INSR: variants seen among roughly 807,000 people sequenced by gnomAD.
INSR encodes the protein insulin receptor, also known as IR.
A neutral mutation model predicts 142.6 loss-of-function variants in INSR; 67 were observed. That is an observed-to-expected ratio of 0.47 (90% CI 0.39 to 0.58). The LOEUF (loss-of-function observed/expected upper bound fraction) is 0.58, where lower values mean the gene tolerates loss of function less well. INSR is among the 20% of genes least tolerant of loss of function. The pLI, the probability that INSR is intolerant of heterozygous loss-of-function variation, is 0.00. For synonymous variants in INSR, 756 were observed against 743.1 expected (o/e 1.02, Z -0.28); for missense variants, 1,248 against 1,833.2 (o/e 0.68, Z 5.83).
intron 13 of INSR, among the ~76,000 whole-genome samples, chr19:7,135,585 GAAA>G (rs57360703): frequency 6.8e-6 from 1 of 147,762 alleles, no homozygotes; most frequent in Admixed American, 6.8e-5. Context: ...CTCTGTCTCT[GAAA>G]AAAAAAATTT....
intron 2 of INSR, among the ~76,000 whole-genome samples, chr19:7,265,797 A>C (rs555928665): frequency 2.0e-5 from 3 of 152,204 alleles, no homozygotes; most frequent in Admixed American, 6.6e-5. Context: ...TGGGTAGAAG[A>C]AGACTTTCTA....
At chr19:7,207,178 G>C (rs573996236) in intron 2 of INSR, among the ~76,000 whole-genome samples, 1 of 152,230 alleles carries the variant, frequency 6.6e-6, no homozygotes, top group East Asian at 1.9e-4. Flanking sequence ...CACTTTGGGA[G>C]GCTGAGGCAA....
intron 2 of INSR, among the ~76,000 whole-genome samples, chr19:7,199,217 A>G (rs895758931): frequency 3.9e-5 from 6 of 152,076 alleles, no homozygotes; most frequent in Non-Finnish European, 8.8e-5. Context: ...CAATCCATCA[A>G]TGAGGTCATA....
At chr19:7,256,125 T>A (rs960511137) in intron 2 of INSR, among the ~76,000 whole-genome samples, 41 of 152,220 alleles carry the variant, frequency 2.7e-4, no homozygotes, top group African/African-American at 9.6e-4. Flanking sequence ...ATTTATTTTA[T>A]TTTAAAATAA....
chr19:7,114,908 T>TA lies in INSR; in HGVS notation c.*2147_*2148insT, dbSNP rs1445374162. The stretch of plus-strand genomic sequence containing the variant: ...AGAGAACAAAATACCTAGTTCTACG[T>TA]GTTTTTTTTTTAAATTTAGGTACAG... On this transcript the variant is annotated 3_prime_UTR_variant, in exon 22 of 22. Transcript: ENST00000302850. The TA allele has an allele frequency of 3.8e-5, 2 of 53,128 alleles. No homozygotes were observed. Among genetic ancestry groups the TA allele is most frequent in the Non-Finnish European group, 6.8e-5 (2 of 29,504 alleles). The allele number at this position is 53,128 out of a possible 1,614,324, so 3.3% of individuals were successfully genotyped here. A position where few individuals can be genotyped will look rare whatever the true frequency, so the allele number is the denominator to read the frequency against.
chr19:7,125,383 C>T lies in INSR; in HGVS notation c.3158G>A (p.Arg1053His), dbSNP rs748109926. The change falls in exon 17 of 22, where the codon CGC (arginine) becomes CAC (histidine). Residue 1053 changes from arginine to histidine, a missense_variant. Physicochemically the swap from Arg to His is conservative, Grantham distance 29 (BLOSUM62 0). Coordinates refer to ENST00000302850, the MANE Select transcript of INSR (RefSeq NM_000208.4). This position sits in a 1 kb window ranked among gnomAD's most constrained non-coding sequence, Gnocchi z 4.9. ...CTCGTTGACCGTCTTCACCGCCACGCGGGTCTCTGCCTCACCCTTGATGAT... is the reference window on the plus strand; with the variant it reads ...CTCGTTGACCGTCTTCACCGCCACGTGGGTCTCTGCCTCACCCTTGATGAT... Reference protein sequence around the residue: ...RDIIKGEAETRVAVKTVNESA... With the variant: ...RDIIKGEAETHVAVKTVNESA... The T allele has an allele frequency of 5.9e-5, 95 of 1,614,006 alleles. No individual in the cohort carries two copies. Among genetic ancestry groups the T allele is most frequent in the South Asian group, 7.7e-5 (7 of 91,082 alleles).
At chr19:7,259,818 C>CAA (rs10532581) in intron 2 of INSR, among the ~76,000 whole-genome samples, 2 of 134,728 alleles carry the variant, frequency 1.5e-5, no homozygotes, top group East Asian at 2.3e-4. Context: ...GACTCTGTCT[C>CAA]AAAAAAAAAA....
In INSR at chr19:7,258,078, G is replaced by A. The variant is rs137964046; in HGVS notation, c.652+9267C>T. ...TGGCCTCGAGTGATCTGCCCGCTTCGGCCTCCCAAGGTGCTGGGATTACAG... is the reference window on the plus strand; with the variant it reads ...TGGCCTCGAGTGATCTGCCCGCTTCAGCCTCCCAAGGTGCTGGGATTACAG... On this transcript the variant is annotated intron_variant, in intron 2 of 21. Transcript: ENST00000302850. Among the ~76,000 whole-genome samples the A allele has an allele frequency of 7.5e-3, 1,145 of 152,212 alleles. 6 individuals carry two copies. Among genetic ancestry groups the A allele is most frequent in the Middle Eastern group, 0.014 (4 of 294 alleles).
At chr19:7,157,278 A>G (rs1273875838) in intron 9 of INSR, among the ~76,000 whole-genome samples, 1 of 115,602 alleles carries the variant, frequency 8.7e-6, no homozygotes, top group African/African-American at 3.4e-5. Context: ...TGCGCCTGGC[A>G]TTTTTTTTGT....
chr19:7,227,469 C>T (rs2145117057), intron 2 of INSR, among the ~76,000 whole-genome samples: 1 of 152,162 alleles, frequency 6.6e-6, no homozygotes, highest in South Asian at 2.1e-4. Flanking sequence ...GATGGGGTTT[C>T]ACCAAGTTGC....
chr19:7,137,763 G>T (rs67112521), intron 13 of INSR, among the ~76,000 whole-genome samples: 10,075 of 118,840 alleles, frequency 0.085, 518 homozygotes, highest in African/African-American at 0.17. Context: ...CTCCAGCCCG[G>T]ATGACAGGAT....
At chr19:7,180,934 G>C (rs1274172816) in intron 3 of INSR, among the ~76,000 whole-genome samples, 1 of 152,004 alleles carries the variant, frequency 6.6e-6, no homozygotes, top group African/African-American at 2.4e-5. Context: ...CATATGATCA[G>C]ATGACCACTT....
intron 2 of INSR, among the ~76,000 whole-genome samples, chr19:7,212,901 A>G (rs1352065607): frequency 6.6e-6 from 1 of 151,974 alleles, no homozygotes; most frequent in Non-Finnish European, 1.5e-5. Flanking sequence ...AGAAAGTTCC[A>G]TCTGCTTCTG....
intron 3 of INSR, among the ~76,000 whole-genome samples, chr19:7,183,904 C>T (rs1192904314): frequency 6.6e-6 from 1 of 151,704 alleles, no homozygotes; most frequent in Non-Finnish European, 1.5e-5. Flanking sequence ...ATTAAAAATA[C>T]AAAAATTAGC....
intron 2 of INSR, among the ~76,000 whole-genome samples, chr19:7,224,548 C>T (rs1397607020): frequency 6.6e-6 from 1 of 152,176 alleles, no homozygotes; most frequent in Admixed American, 6.5e-5. Context: ...GACTTGCCGA[C>T]GGCCCCACTC....
rs1235273926 is a variant in INSR, at chr19:7,140,486, TA to T, written c.2682+1190del. On this transcript the variant is annotated intron_variant, in intron 13 of 21. Coordinates refer to ENST00000302850, the MANE Select transcript of INSR (RefSeq NM_000208.4). ...ATGTTTACTATCCAGACCTTTATGG[TA>T]AAAAAAATTTGGCAGTTTCTGGATT... 4.6e-5 allele frequency among the ~76,000 whole-genome samples: 7 copies of T among 152,224 alleles called. No individual in the cohort carries two copies. In the East Asian group the frequency reaches 7.7e-4, roughly 17 times the overall value.
At chr19:7,259,417 A>C (rs8109308) in intron 2 of INSR, among the ~76,000 whole-genome samples, 74,516 of 151,850 alleles carry the variant, frequency 0.49, 19,549 homozygotes, top group African/African-American at 0.66. Context: ...TGGTCTCAAC[A>C]ATAAATAAGA....
At chr19:7,167,878 C>G (rs554692213) in intron 7 of INSR, 90 bp downstream of exon 7, 1 of 1,534,154 alleles carries the variant, frequency 6.5e-7, no homozygotes, top group East Asian at 2.3e-5. Flanking sequence ...TAGACAGGAA[C>G]CCAAGAGGGG....
At chr19:7,239,232 T>G (rs1976262126) in intron 2 of INSR, among the ~76,000 whole-genome samples, 1 of 152,146 alleles carries the variant, frequency 6.6e-6, no homozygotes, top group African/African-American at 2.4e-5. Flanking sequence ...TTCCGACACT[T>G]CAATCCCTTG....
Sources: gnomAD v4.1 joint callset for allele counts (sites outside exome capture counted in the v4.1 genomes callset) on GRCh38, gnomAD v4.1.1 for gene constraint, Gnocchi (gnomAD v3.1) non-coding constraint, MANE v1.5 for transcripts, NCBI Gene and HGNC (gene_info 2026-07-23, HGNC 2026-07-21) for gene names.